Variants in CTNNA3 observed in about 807,000 individuals in gnomAD.
CTNNA3 encodes the protein catenin alpha 3.
Under a neutral mutation model 95.7 loss-of-function variants are expected in CTNNA3, and 76 were observed. That is an observed-to-expected ratio of 0.79 (90% CI 0.66 to 0.96). CTNNA3 has a LOEUF of 0.96. CTNNA3 is among the 40% of genes least tolerant of loss of function. The probability of loss-of-function intolerance (pLI) is 0.00; values close to 1 mark genes in which losing one functional copy is unlikely to be tolerated. For synonymous variants in CTNNA3, 431 were observed against 374.4 expected, an observed-to-expected ratio of 1.15 and a Z score of -1.74; for missense variants, 1,191 against 1,089.8, an observed-to-expected ratio of 1.09 and a Z score of -1.31.
intron 15 of CTNNA3, among the ~76,000 whole-genome samples, chr10:66,015,110 A>ATAATAATAG (rs1300607558): frequency 6.6e-6 from 1 of 151,428 alleles, no homozygotes; most frequent in Admixed American, 6.6e-5. Flanking sequence ...TCAAAAAATA[A>ATAATAATAG]TAATAATAAT....
chr10:66,161,361 C>T (rs2084834814), intron 13 of CTNNA3, among the ~76,000 whole-genome samples: 1 of 152,186 alleles, frequency 6.6e-6, no homozygotes, highest in Non-Finnish European at 1.5e-5. Flanking sequence ...AGACTTAGAG[C>T]TCCTTTTAGC....
At chr10:67,168,385 C>A (rs1186442458) in intron 7 of CTNNA3, among the ~76,000 whole-genome samples, 1 of 152,046 alleles carries the variant, frequency 6.6e-6, no homozygotes, top group African/African-American at 2.4e-5. Context: ...AAGCCCTCAA[C>A]AAAATACTGG....
chr10:67,418,442 G>A (rs1017459463), intron 5 of CTNNA3, among the ~76,000 whole-genome samples: 1 of 150,700 alleles, frequency 6.6e-6, no homozygotes, highest in Non-Finnish European at 1.5e-5. Context: ...AAATCAACCT[G>A]TATCTATCAA....
At chr10:66,041,063 A>G (rs2079676572) in intron 15 of CTNNA3, among the ~76,000 whole-genome samples, 1 of 152,174 alleles carries the variant, frequency 6.6e-6, no homozygotes, top group African/African-American at 2.4e-5. Flanking sequence ...GTTAATTATC[A>G]CCAGTAATAA....
Position 66,614,119 on chromosome 10 carries a change from G to C in CTNNA3, c.1374+7573C>G, listed in dbSNP as rs144822592. Among the ~76,000 whole-genome samples, 917 of 152,194 alleles carry C rather than the reference G, an allele frequency of 6.0e-3. 18 individuals are homozygous for C. The highest frequency in any genetic ancestry group is 0.021 in the African/African-American group (870 of 41,548). ...CATAACTTAATCAGAACAAGTTGCT[G>C]TTTTTACAAAATAGTCCTGTCTATG... On this transcript the variant is annotated intron_variant, in intron 10 of 17. Transcript: ENST00000433211.
At chr10:66,712,402 C>G (rs1020457938) in intron 9 of CTNNA3, among the ~76,000 whole-genome samples, 1 of 152,000 alleles carries the variant, frequency 6.6e-6, no homozygotes, top group Admixed American at 6.6e-5. Context: ...TTTATTGTCC[C>G]AAAGAGCTGT....
chr10:67,368,685 A>C (rs1053031550), intron 5 of CTNNA3, among the ~76,000 whole-genome samples: 5 of 152,252 alleles, frequency 3.3e-5, no homozygotes, highest in African/African-American at 9.6e-5. Context: ...CACAATATTT[A>C]AAACTACTGA....
intron 5 of CTNNA3, among the ~76,000 whole-genome samples, chr10:67,223,920 G>A (rs1034192426): frequency 1.3e-5 from 2 of 152,166 alleles, no homozygotes; most frequent in Admixed American, 1.3e-4. Context: ...AAATTTCTCA[G>A]AGAATGTGAA....
chr10:67,751,064 C>A (rs773594027), intron 1 of CTNNA3: 3 of 1,484,988 alleles, frequency 2.0e-6, no homozygotes, highest in Non-Finnish European at 2.8e-6. Flanking sequence ...TGACTGTGAT[C>A]CCCAAGTCTG....
At chr10:67,110,126 T>C (rs1280103132) in intron 7 of CTNNA3, among the ~76,000 whole-genome samples, 1 of 152,212 alleles carries the variant, frequency 6.6e-6, no homozygotes, top group Non-Finnish European at 1.5e-5. Context: ...GCACATGCTA[T>C]GTGGTAGTAA....
At chr10:66,508,764 TTTTCTTTA>T (rs1169425623) in intron 11 of CTNNA3, among the ~76,000 whole-genome samples, 5 of 152,124 alleles carry the variant, frequency 3.3e-5, no homozygotes, top group African/African-American at 1.2e-4. Flanking sequence ...ATATACCACA[TTTTCTTTA>T]TCAATTCAAC....
intron 11 of CTNNA3, among the ~76,000 whole-genome samples, chr10:66,404,657 A>C (rs921307165): frequency 2.0e-5 from 3 of 152,224 alleles, no homozygotes; most frequent in Non-Finnish European, 2.9e-5. Flanking sequence ...TAAGATGTTT[A>C]AATAAGACAC....
chr10:66,604,964 C>A (rs1365384711), intron 10 of CTNNA3, among the ~76,000 whole-genome samples: 8 of 151,906 alleles, frequency 5.3e-5, no homozygotes, highest in Admixed American at 3.3e-4. Flanking sequence ...GCTGAGATGG[C>A]GGAAATGACA....
intron 9 of CTNNA3, among the ~76,000 whole-genome samples, chr10:66,641,449 C>A (rs1845514031): frequency 6.6e-6 from 1 of 152,108 alleles, no homozygotes; most frequent in African/African-American, 2.4e-5. Context: ...TGCTCCTAAC[C>A]CACAGAAACT....
intron 12 of CTNNA3, among the ~76,000 whole-genome samples, chr10:66,334,329 T>A (rs181340746): frequency 6.6e-6 from 1 of 152,116 alleles, no homozygotes; most frequent in Non-Finnish European, 1.5e-5. Flanking sequence ...GCCTCGATAG[T>A]CTTTACAATT....
rs947053877 is a variant in CTNNA3 at position 67,662,630 on chromosome 10, A to T, written c.-5-15112T>A. Among the ~76,000 whole-genome samples, 3 of 152,248 alleles carry T rather than the reference A, an allele frequency of 2.0e-5. No individual in the cohort carries two copies. The East Asian group carries it at 5.8e-4, about 29-fold the overall frequency. On this transcript the variant is annotated intron_variant, in intron 1 of 17. Coordinates refer to ENST00000433211, the MANE Select transcript of CTNNA3 (RefSeq NM_013266.4). ...AAGTACACACTATATGATTCCATTT[A>T]TATAACATTTTTGAAAGGACAAAAA...
intron 13 of CTNNA3, among the ~76,000 whole-genome samples, chr10:66,178,525 A>G (rs1469116837): frequency 6.0e-5 from 9 of 148,896 alleles, no homozygotes; most frequent in African/African-American, 2.0e-4. Context: ...CTTAAACTTG[A>G]CAGCAGAAAT....
At chr10:66,094,918 G>T (rs978501319) in intron 14 of CTNNA3, among the ~76,000 whole-genome samples, 3 of 152,118 alleles carry the variant, frequency 2.0e-5, no homozygotes, top group Admixed American at 6.6e-5. Context: ...ATTAGCTATG[G>T]GAAGACTCAA....
chr10:66,249,089 T>C (rs1330853547), intron 13 of CTNNA3, among the ~76,000 whole-genome samples: 1 of 152,118 alleles, frequency 6.6e-6, no homozygotes, highest in Non-Finnish European at 1.5e-5. Context: ...GAGAAAACTG[T>C]ATCTCTACAT....
Sources: allele counts gnomAD v4.1 joint callset (sites outside exome capture counted in the v4.1 genomes callset), GRCh38; gene constraint gnomAD v4.1.1; transcripts MANE v1.5; gene names NCBI Gene and HGNC (gene_info 2026-07-23, HGNC 2026-07-21).